Variants in CCDC88A observed in about 807,000 individuals in gnomAD.
CCDC88A encodes the protein coiled-coil and HOOK domain protein 88A.
Under a neutral mutation model 234.3 loss-of-function variants are expected in CCDC88A, and 54 were observed. The ratio of observed to expected loss-of-function variants is 0.23; its 90% CI spans 0.19 to 0.29. The LOEUF (loss-of-function observed/expected upper bound fraction) is 0.29. Ranked by LOEUF, CCDC88A falls within the 10% of genes least tolerant of loss-of-function variation. CCDC88A has a pLI of 1.00. For synonymous variants in CCDC88A, 753 were observed against 737.8 expected, an observed-to-expected ratio of 1.02 and a Z score of -0.33; for missense variants, 1,832 against 2,123.4, an observed-to-expected ratio of 0.86 and a Z score of 2.70.
At position 55,362,413 on chromosome 2, in the gene CCDC88A, T is replaced by C. The variant is rs2104786165; in HGVS notation, c.522A>G (p.Gln174=). Residue 174 remains glutamine (Q), a synonymous_variant, in exon 7 of 33, where the codon CAA becomes CAG. Transcript: ENST00000436346. The part of the protein sequence containing the change: ...THNQENVFDL[Q]WMEVTDMSQE... Reference sequence around the variant, plus strand: ...GCGACATATCAGTCACTTCCATCCATTGCAGGTCAAACACATTTTCCTGAT... The same window carrying C: ...GCGACATATCAGTCACTTCCATCCACTGCAGGTCAAACACATTTTCCTGAT... The C allele has an allele frequency of 1.9e-6, 3 of 1,605,276 alleles. No homozygotes were observed. Among genetic ancestry groups the C allele is most frequent in the Non-Finnish European group, 2.5e-6 (3 of 1,177,264 alleles).
At chr2:55,354,525 A>C (rs1489514263) in intron 8 of CCDC88A, among the ~76,000 whole-genome samples, 2 of 151,790 alleles carry the variant, frequency 1.3e-5, no homozygotes, top group African/African-American at 4.8e-5. Context: ...ACATTGTACA[A>C]CTGTACAAAA....
At chr2:55,374,724 T>TTAA (rs1673356512) in intron 4 of CCDC88A, 90 bp downstream of exon 4, 1 of 692,716 alleles carries the variant, frequency 1.4e-6, no homozygotes, top group African/African-American at 1.7e-5. Flanking sequence ...ATCTAGTGAG[T>TTAA]TAATGTATAT....
At chr2:55,362,511 C>G (rs1226537993) in intron 6 of CCDC88A, 63 bp from the exon 7 acceptor site, 1 of 1,414,102 alleles carries the variant, frequency 7.1e-7, no homozygotes, top group African/African-American at 1.5e-5. Flanking sequence ...ATCTATTTCA[C>G]TATAGTACAA....
chr2:55,384,096 G>A (rs1214215780), intron 3 of CCDC88A, among the ~76,000 whole-genome samples: 1 of 151,982 alleles, frequency 6.6e-6, no homozygotes, highest in East Asian at 1.9e-4. Context: ...CTACTTAGGA[G>A]GCTGAGGCGG....
At chr2:55,320,981 G>C (rs1368337592) in intron 18 of CCDC88A, 2 of 152,228 alleles carry the variant, frequency 1.3e-5, no homozygotes, top group African/African-American at 4.8e-5. Context: ...GTGGTGGTGT[G>C]CACCTGTGCT....
Position 55,332,540 on chromosome 2 carries a change from G to GTT in CCDC88A, c.2855+24_2855+25dup. 1.9e-6 allele frequency: 3 copies of GTT among 1,575,050 alleles called. No individual in the cohort carries two copies. Among genetic ancestry groups the GTT allele is most frequent in the Non-Finnish European group, 2.6e-6 (3 of 1,165,100 alleles). ...CAAAAAAAAAAAAAAATTTTCAACTGTTTGCCAAGTAGACTTAGTACTCAC... is the reference window on the plus strand; with the variant it reads ...CAAAAAAAAAAAAAAATTTTCAACTGTTTTTGCCAAGTAGACTTAGTACTCAC... On this transcript the variant is annotated intron_variant, in intron 16 of 32. Transcript: ENST00000436346. This position sits in a 1 kb window ranked among gnomAD's most constrained non-coding sequence, Gnocchi z 4.5.
At position 55,372,169 on chromosome 2, in the gene CCDC88A, G is replaced by GA. The variant is rs993642212; in HGVS notation, c.402+282dup. Among the ~76,000 whole-genome samples the GA allele has an allele frequency of 3.3e-5, 5 of 151,744 alleles. No individual in the cohort carries two copies. In the East Asian group the frequency reaches 5.8e-4, roughly 18 times the overall value. On this transcript the variant is annotated intron_variant, in intron 5 of 32. Coordinates refer to ENST00000436346, the MANE Select transcript of CCDC88A (RefSeq NM_001365480.1). ...GGGAGCGGTTTTTAAGGGCACCTCT[G>GA]AAAAAACCTCAAAAATTTAAGGTCA...
chr2:55,379,765 T>G (rs772134886), intron 3 of CCDC88A, among the ~76,000 whole-genome samples: 12 of 151,800 alleles, frequency 7.9e-5, no homozygotes, highest in African/African-American at 2.4e-4. Flanking sequence ...AATAGAAAAT[T>G]AGCCAGGCGT....
intron 2 of CCDC88A, among the ~76,000 whole-genome samples, chr2:55,415,474 A>C (rs917788853): frequency 1.3e-5 from 2 of 152,206 alleles, no homozygotes; most frequent in African/African-American, 4.8e-5. Flanking sequence ...GATGGGAAAC[A>C]AGCATGAATC....
intron 3 of CCDC88A, 177 bp downstream of exon 3, chr2:55,388,601 G>T (rs867763841): frequency 8.1e-6 from 3 of 371,198 alleles, no homozygotes; most frequent in East Asian, 9.5e-5. Flanking sequence ...TTAAATGCTT[G>T]CTTAAGCCTT....
chr2:55,407,958 T>C (rs903750838), intron 2 of CCDC88A, among the ~76,000 whole-genome samples: 4 of 151,492 alleles, frequency 2.6e-5, no homozygotes, highest in Non-Finnish European at 4.4e-5. Flanking sequence ...CCTCAAGTGA[T>C]CCACCTGCCT....
chr2:55,401,448 AT>A (rs747232601), intron 2 of CCDC88A, among the ~76,000 whole-genome samples: 191 of 18,064 alleles, frequency 0.011, 18 homozygotes, highest in African/African-American at 0.025. Flanking sequence ...AAAAAAAAAA[AT>A]ATATATATAT....
chr2:55,321,455 G>C (rs1035734559), intron 18 of CCDC88A, among the ~76,000 whole-genome samples: 1 of 152,054 alleles, frequency 6.6e-6, no homozygotes, highest in Non-Finnish European at 1.5e-5. Context: ...GGAGGCTGAG[G>C]CAGGAGAATG....
rs140500773 is a variant in CCDC88A at position 55,334,962 on chromosome 2, T to C, written c.1859A>G (p.Tyr620Cys). ...KRQIKKELEHYKEKGERAEEL... is the reference protein window; with the variant it reads ...KRQIKKELEHCKEKGERAEEL... ...TTCAGCTCGTTCTCCTTTTTCTTTATAATGTTCCAATTCTTTTTTAATTTG... is the reference window on the plus strand; with the variant it reads ...TTCAGCTCGTTCTCCTTTTTCTTTACAATGTTCCAATTCTTTTTTAATTTG... Residue 620 changes from tyrosine to cysteine, a missense_variant, in exon 15 of 33, where the codon TAT (tyrosine) becomes TGT (cysteine). Physicochemically the swap from Tyr to Cys is radical, Grantham distance 194 (BLOSUM62 -2). Around this residue, in one of 6 missense-constraint regions of CCDC88A, gnomAD observed 1,282 missense variants for 1,543.6 expected, o/e 0.83. Transcript: ENST00000436346. This position sits in a 1 kb window ranked among gnomAD's most constrained non-coding sequence, Gnocchi z 6.1. 4.4e-6 allele frequency: 7 copies of C among 1,580,528 alleles called. No homozygotes were observed. The highest frequency in any genetic ancestry group is 2.3e-5 in the East Asian group (1 of 44,394).
chr2:55,328,626 A>G lies in CCDC88A; in HGVS notation c.2856-191T>C, dbSNP rs1684540963. 1 of 405,054 alleles carries G rather than the reference A, an allele frequency of 2.5e-6. No individual in the cohort carries two copies. The highest frequency in any genetic ancestry group is 4.3e-6 in the Non-Finnish European group (1 of 233,496). The allele number at this position is 405,054 out of a possible 1,614,324, so 25.1% of individuals were successfully genotyped here. A position where few individuals can be genotyped will look rare whatever the true frequency, so the allele number is the denominator to read the frequency against. On this transcript the variant is annotated intron_variant, in intron 16 of 32. Coordinates refer to ENST00000436346, the MANE Select transcript of CCDC88A (RefSeq NM_001365480.1). The surrounding 1 kb of genome is among the most constrained non-coding windows in gnomAD (Gnocchi z 4.3). ...AAACTAATCCTGGTAATGAAGCAACAAAATCATTGAGTGAACAGAGCTCCG... is the reference window on the plus strand; with the variant it reads ...AAACTAATCCTGGTAATGAAGCAACGAAATCATTGAGTGAACAGAGCTCCG...
intron 3 of CCDC88A, among the ~76,000 whole-genome samples, chr2:55,385,852 CAAAAAAAAAAAAAAAAA>C (rs56233901): frequency 6.4e-5 from 4 of 62,462 alleles, no homozygotes; most frequent in South Asian, 1.2e-3. Context: ...AACTCCATGT[CAAAAAAAAAAAAAAAAA>C]AAAAAAAAAA....
chr2:55,301,392 C>T, intron 27 of CCDC88A, 115 bp from the exon 28 acceptor site: 2 of 562,168 alleles, frequency 3.6e-6, no homozygotes, highest in East Asian at 6.3e-5. Context: ...TACAGATTGA[C>T]TTAACATATT....
At chr2:55,339,380 T>G in intron 13 of CCDC88A, 84 bp downstream of exon 13, 1 of 1,180,082 alleles carries the variant, frequency 8.5e-7, no homozygotes, top group Non-Finnish European at 1.2e-6. Flanking sequence ...AGCGTGCATT[T>G]AAAAAGTGGA....
intron 17 of CCDC88A, among the ~76,000 whole-genome samples, chr2:55,326,704 T>C (rs975432931): frequency 6.6e-6 from 1 of 152,026 alleles, no homozygotes; most frequent in African/African-American, 2.4e-5. Flanking sequence ...CTGGCTGGGA[T>C]TACAGGTGCC....
Sources: allele counts gnomAD v4.1 joint callset (sites outside exome capture counted in the v4.1 genomes callset), GRCh38; gene constraint gnomAD v4.1.1; regional missense constraint gnomAD v4.1.1; non-coding constraint Gnocchi (gnomAD v3.1); transcripts MANE v1.5; gene names NCBI Gene and HGNC (gene_info 2026-07-23, HGNC 2026-07-21).